Variants in SIDT1 observed in about 807,000 individuals in gnomAD.
SIDT1 encodes SID1 transmembrane family, member 1.
SIDT1 carries 101 observed loss-of-function variants against 107.5 expected under a neutral mutation model. That is an observed-to-expected ratio of 0.94 (90% confidence interval 0.80 to 1.11). The LOEUF (loss-of-function observed/expected upper bound fraction) is 1.11, where lower values mean the gene tolerates loss of function less well. Among genes scored for constraint, SIDT1 ranks in the 50% least tolerant of loss-of-function variants. The pLI, the probability that SIDT1 is intolerant of heterozygous loss-of-function variation, is 0.00. For synonymous variants in SIDT1, 395 were observed against 398.2 expected (o/e 0.99, Z 0.10); for missense variants, 1,076 against 1,058.2 (o/e 1.02, Z -0.23).
chr3:113,554,070 C>CAATGCAAAA (rs1940576303), intron 1 of SIDT1, among the ~76,000 whole-genome samples: 1 of 151,902 alleles, frequency 6.6e-6, no homozygotes, highest in African/African-American at 2.4e-5. Context: ...AAAAGCAAAC[C>CAATGCAAAA]AATGCAAAAA....
chr3:113,588,222 T>C (rs1429257469), intron 9 of SIDT1, among the ~76,000 whole-genome samples: 1 of 152,236 alleles, frequency 6.6e-6, no homozygotes, highest in Non-Finnish European at 1.5e-5. Flanking sequence ...CAGATTATTT[T>C]GCTATGGTCA....
At chr3:113,614,931 T>C (rs923145153) in intron 19 of SIDT1, 1 of 896,448 alleles carries the variant, frequency 1.1e-6, no homozygotes. Context: ...GCATTACTTT[T>C]ATAATCAGAA....
At chr3:113,597,366 A>G (rs1944638377) in intron 10 of SIDT1, among the ~76,000 whole-genome samples, 1 of 151,990 alleles carries the variant, frequency 6.6e-6, no homozygotes, top group African/African-American at 2.4e-5. Flanking sequence ...ACATGGTGGC[A>G]TGTACCTGTA....
chr3:113,594,930 T>G (rs1944430976), intron 10 of SIDT1: 1 of 154,360 alleles, frequency 6.5e-6, no homozygotes, highest in African/African-American at 2.4e-5. Flanking sequence ...GGGCTGGCAG[T>G]GACATGGGTC....
At chr3:113,537,433 AC>A (rs1159467855) in intron 1 of SIDT1, among the ~76,000 whole-genome samples, 1 of 152,222 alleles carries the variant, frequency 6.6e-6, no homozygotes, top group Admixed American at 6.5e-5. Flanking sequence ...TATATGCATT[AC>A]TAATTATATG....
intron 8 of SIDT1, 110 bp downstream of exon 8, chr3:113,584,879 A>C (rs1485888904): frequency 3.7e-6 from 3 of 819,360 alleles, no homozygotes; most frequent in Admixed American, 2.7e-5. Context: ...AGAAAACTAA[A>C]GTATATTTAC....
In SIDT1 at chr3:113,604,055, C is replaced by T. The variant is rs369925292; in HGVS notation, c.1337+22C>T. ...TTTGGTAAGTAGATGACCAGTAGGACCATGGTTCCCTTAAATAAACATAGT... is the reference window on the plus strand; with the variant it reads ...TTTGGTAAGTAGATGACCAGTAGGATCATGGTTCCCTTAAATAAACATAGT... On this transcript the variant is annotated intron_variant, in intron 13 of 24. Transcript: ENST00000264852. The T allele has an allele frequency of 2.5e-5, 37 of 1,486,506 alleles. No individual in the cohort carries two copies. In the African/African-American group the frequency reaches 4.4e-4, roughly 17 times the overall value. The allele number at this position is 1,486,506 out of a possible 1,614,324, so 92.1% of individuals were successfully genotyped here. A position where few individuals can be genotyped will look rare whatever the true frequency, so the allele number is the denominator to read the frequency against.
rs1005955568 is a variant in SIDT1 at position 113,568,932 on chromosome 3, G to A, written c.515+1222G>A. Among the ~76,000 whole-genome samples the A allele has an allele frequency of 3.3e-5, 5 of 151,960 alleles. No individual in the cohort carries two copies. The East Asian group carries it at 9.7e-4, about 29-fold the overall frequency. On this transcript the variant is annotated intron_variant, in intron 3 of 24. Transcript: ENST00000264852. ...GTGGATCACCTGAGGTCAGGAGAGC[G>A]AGACCAGCCTGACCAACATGGTGAA...
At chr3:113,566,606 T>G in intron 2 of SIDT1, 65 bp downstream of exon 2, 1 of 1,552,536 alleles carries the variant, frequency 6.4e-7, no homozygotes, top group Middle Eastern at 1.7e-4. Flanking sequence ...TAGAACTTAA[T>G]TGGTCTTTTC....
intron 1 of SIDT1, among the ~76,000 whole-genome samples, chr3:113,534,123 C>T (rs1302803933): frequency 1.3e-5 from 2 of 152,040 alleles, no homozygotes; most frequent in Admixed American, 1.3e-4. Context: ...CAGAGACTCC[C>T]CAGTGTACCA....
intron 1 of SIDT1, among the ~76,000 whole-genome samples, chr3:113,535,287 T>G (rs1265400926): frequency 6.6e-6 from 1 of 152,152 alleles, no homozygotes; most frequent in Non-Finnish European, 1.5e-5. Flanking sequence ...AATGTTTTTT[T>G]TTTTAAAGAA....
intron 20 of SIDT1, among the ~76,000 whole-genome samples, chr3:113,616,695 T>G (rs1946131995): frequency 6.7e-6 from 1 of 149,328 alleles, no homozygotes; most frequent in African/African-American, 2.5e-5. Context: ...AATAAAGAAT[T>G]TTTTTTTTTT....
At position 113,532,972 on chromosome 3, in the gene SIDT1, G is replaced by GC. The variant is rs1305356739; in HGVS notation, c.-45dup. ...CTTTGGAAGGACCCTCTCTGCGCTC[G>GC]CCCCCTCCCCAGGGTGGCTCCGCTT... is the stretch of plus-strand genomic sequence containing the variant. On this transcript the variant is annotated 5_prime_UTR_variant, in exon 1 of 25. Coordinates refer to ENST00000264852, the MANE Select transcript of SIDT1 (RefSeq NM_017699.3). 2 of 1,228,494 alleles carry GC rather than the reference G, an allele frequency of 1.6e-6. No individual in the cohort carries two copies. The highest frequency in any genetic ancestry group is 3.2e-5 in the East Asian group (1 of 31,282). 76.1% of individuals were successfully genotyped at this position (1,228,494 alleles called of 1,614,324 possible).
intron 11 of SIDT1, chr3:113,601,922 C>A (rs1560105452): frequency 2.7e-6 from 1 of 365,892 alleles, no homozygotes; most frequent in East Asian, 5.0e-5. Context: ...AATACTAAGG[C>A]CCCCTAGGGA....
At chr3:113,559,975 A>G (rs145306066) in intron 1 of SIDT1, among the ~76,000 whole-genome samples, 2 of 152,298 alleles carry the variant, frequency 1.3e-5, no homozygotes, top group East Asian at 3.9e-4. Context: ...GGAGCCAAAG[A>G]TTCAAAATAG....
intron 1 of SIDT1, among the ~76,000 whole-genome samples, chr3:113,564,199 G>C (rs548394101): frequency 2.0e-5 from 3 of 152,188 alleles, no homozygotes; most frequent in Non-Finnish European, 4.4e-5. Context: ...CTCGGCCTCC[G>C]AAAGTGCTGG....
At chr3:113,568,376 C>T (rs1301671090) in intron 3 of SIDT1, among the ~76,000 whole-genome samples, 4 of 151,636 alleles carry the variant, frequency 2.6e-5, no homozygotes, top group East Asian at 3.9e-4. Context: ...AGGTGGATCA[C>T]GAGGTCAGGA....
At chr3:113,587,026 T>C (rs1943790966) in intron 9 of SIDT1, among the ~76,000 whole-genome samples, 1 of 152,220 alleles carries the variant, frequency 6.6e-6, no homozygotes, top group Admixed American at 6.5e-5. Flanking sequence ...ATACAGATAG[T>C]AGATTAGATA....
downstream of SIDT1, among the ~76,000 whole-genome samples, chr3:113,630,632 T>C (rs1947084526): frequency 6.6e-6 from 1 of 152,164 alleles, no homozygotes; most frequent in African/African-American, 2.4e-5. Flanking sequence ...AGATAAACAC[T>C]ATTCACAGAA....
Sources: allele counts gnomAD v4.1 joint callset (sites outside exome capture counted in the v4.1 genomes callset), GRCh38; gene constraint gnomAD v4.1.1; transcripts MANE v1.5; gene names NCBI Gene and HGNC (gene_info 2026-07-23, HGNC 2026-07-21).